WWOX: variants seen among roughly 807,000 people sequenced by gnomAD.
WWOX encodes WW domain containing oxidoreductase.
WWOX carries 69 observed loss-of-function variants against 46.2 expected under a neutral mutation model. That is an observed-to-expected ratio of 1.49 (90% CI 1.23 to 1.82). The LOEUF is 1.82. Among genes scored for constraint, WWOX ranks in the 40% most tolerant of loss-of-function variants. The pLI is 0.00. For synonymous variants in WWOX, 359 were observed against 202.6 expected (o/e 1.77, Z -6.56); for missense variants, 919 against 542.6 (o/e 1.69, Z -6.89).
At chr16:79,090,686 A>G (rs1212272456) in intron 8 of WWOX, among the ~76,000 whole-genome samples, 4 of 152,312 alleles carry the variant, frequency 2.6e-5, no homozygotes, top group East Asian at 3.9e-4. Flanking sequence ...GGGGACGGCA[A>G]GTATCAAGGT....
Position 78,960,480 on chromosome 16 carries a change from C to G in WWOX, c.1057-251128C>G, listed in dbSNP as rs113588565. 9.1e-3 allele frequency among the ~76,000 whole-genome samples: 1,392 copies of G among 152,290 alleles called. 18 individuals are homozygous for G. Among genetic ancestry groups the G allele is most frequent in the African/African-American group, 0.031 (1,301 of 41,544 alleles). ...CATGAAAATCATTTATTTGCTTTAG[C>G]TTAAATCTACTGGAGATTACAACTG... On this transcript the variant is annotated intron_variant, in intron 8 of 8. Coordinates refer to ENST00000566780, the MANE Select transcript of WWOX (RefSeq NM_016373.4).
chr16:78,457,852 C>A (rs969607795), intron 8 of WWOX, among the ~76,000 whole-genome samples: 12 of 144,010 alleles, frequency 8.3e-5, no homozygotes, highest in Middle Eastern at 3.6e-3. Context: ...GGAGGCGGAG[C>A]TTTCAGTGAG....
intron 8 of WWOX, among the ~76,000 whole-genome samples, chr16:78,690,387 C>CA (rs1400027769): frequency 6.6e-6 from 1 of 152,002 alleles, no homozygotes; most frequent in Non-Finnish European, 1.5e-5. Flanking sequence ...CCCGTATCTA[C>CA]AAAAAATAAA....
At chr16:79,123,879 C>T (rs1415916128) in intron 8 of WWOX, among the ~76,000 whole-genome samples, 1 of 152,142 alleles carries the variant, frequency 6.6e-6, no homozygotes, top group Non-Finnish European at 1.5e-5. Flanking sequence ...AGTTAAGAAA[C>T]AGGCAGCATC....
At chr16:78,195,445 C>T (rs975247607) in intron 5 of WWOX, among the ~76,000 whole-genome samples, 1 of 152,038 alleles carries the variant, frequency 6.6e-6, no homozygotes, top group African/African-American at 2.4e-5. Flanking sequence ...GTCTTAAGTA[C>T]CGTTGGTCCT....
intron 8 of WWOX, among the ~76,000 whole-genome samples, chr16:78,799,715 A>G (rs1343151807): frequency 6.6e-6 from 1 of 152,148 alleles, no homozygotes; most frequent in Non-Finnish European, 1.5e-5. Flanking sequence ...TATTGTCCAA[A>G]AACCTTCTCT....
chr16:78,602,520 C>A (rs752765941), intron 8 of WWOX, among the ~76,000 whole-genome samples: 1 of 152,194 alleles, frequency 6.6e-6, no homozygotes, highest in Non-Finnish European at 1.5e-5. Context: ...GTGCTAGCCA[C>A]CACACCCGGC....
chr16:78,973,984 G>C (rs1433215039), intron 8 of WWOX, among the ~76,000 whole-genome samples: 4 of 152,156 alleles, frequency 2.6e-5, no homozygotes, highest in African/African-American at 9.7e-5. Flanking sequence ...TTTATTACTA[G>C]TCAGCTTTCT....
intron 5 of WWOX, among the ~76,000 whole-genome samples, chr16:78,298,907 C>T (rs1308852671): frequency 1.3e-5 from 2 of 152,108 alleles, no homozygotes; most frequent in East Asian, 3.8e-4. Flanking sequence ...ACTGTTAGCT[C>T]TCTTATTGCT....
chr16:78,733,067 A>G (rs781411316), intron 8 of WWOX, among the ~76,000 whole-genome samples: 3 of 152,158 alleles, frequency 2.0e-5, no homozygotes, highest in African/African-American at 7.2e-5. Context: ...ATGTAAAACC[A>G]TGTTCCCCAA....
At chr16:78,870,458 C>T (rs2044102066) in intron 8 of WWOX, among the ~76,000 whole-genome samples, 1 of 151,894 alleles carries the variant, frequency 6.6e-6, no homozygotes, top group Non-Finnish European at 1.5e-5. Context: ...GGAATTGATA[C>T]AATGTCTTGA....
intron 8 of WWOX, among the ~76,000 whole-genome samples, chr16:78,997,218 C>G (rs544738766): frequency 6.6e-6 from 1 of 152,220 alleles, no homozygotes; most frequent in South Asian, 2.1e-4. Context: ...GTCCTCAAAG[C>G]AAACTGAAAT....
chr16:78,784,683 C>G (rs1273653038), intron 8 of WWOX, among the ~76,000 whole-genome samples: 1 of 152,104 alleles, frequency 6.6e-6, no homozygotes, highest in Non-Finnish European at 1.5e-5. Flanking sequence ...CAGTGGTTCC[C>G]AATGTTACTG....
intron 5 of WWOX, among the ~76,000 whole-genome samples, chr16:78,312,956 G>A (rs1186583525): frequency 1.3e-5 from 2 of 152,178 alleles, no homozygotes; most frequent in Non-Finnish European, 2.9e-5. Flanking sequence ...CCAGCTGCCT[G>A]GTGTACAGGA....
At chr16:78,827,015 C>A (rs762736819) in intron 8 of WWOX, among the ~76,000 whole-genome samples, 1 of 152,132 alleles carries the variant, frequency 6.6e-6, no homozygotes, top group Non-Finnish European at 1.5e-5. Flanking sequence ...CTCCCCGTGT[C>A]GCTTTCCTGC....
At chr16:78,537,706 G>C (rs1343594697) in intron 8 of WWOX, among the ~76,000 whole-genome samples, 3 of 152,176 alleles carry the variant, frequency 2.0e-5, no homozygotes, top group Non-Finnish European at 4.4e-5. Flanking sequence ...AGCTGCCACA[G>C]TTCATGTAGG....
intron 8 of WWOX, among the ~76,000 whole-genome samples, chr16:78,475,374 G>GA (rs1362084480): frequency 6.6e-6 from 1 of 152,190 alleles, no homozygotes; most frequent in Non-Finnish European, 1.5e-5. Flanking sequence ...GTGTTGCTGA[G>GA]ATAGGAGCTT....
At chr16:78,407,624 T>G (rs1248360155) in intron 6 of WWOX, among the ~76,000 whole-genome samples, 1 of 152,178 alleles carries the variant, frequency 6.6e-6, no homozygotes, top group Non-Finnish European at 1.5e-5. Context: ...TTGGGTTCCT[T>G]GAGTCGTAAT....
At chr16:79,048,403 G>A (rs1451425826) in intron 8 of WWOX, among the ~76,000 whole-genome samples, 1 of 152,008 alleles carries the variant, frequency 6.6e-6, no homozygotes, top group African/African-American at 2.4e-5. Context: ...GCTTGGTTCA[G>A]CAGCAACTGA....
Sources: allele counts gnomAD v4.1 joint callset (sites outside exome capture counted in the v4.1 genomes callset), GRCh38; gene constraint gnomAD v4.1.1; transcripts MANE v1.5; gene names NCBI Gene and HGNC (gene_info 2026-07-23, HGNC 2026-07-21).